The following ZNF497 variants were observed in gnomAD, a reference collection of about 807,000 sequenced individuals.
ZNF497 encodes zinc finger-like protein.
For synonymous variants in ZNF497, 422 were observed against 313.7 expected (o/e 1.35, Z -3.65); for missense variants, 930 against 714.0 (o/e 1.30, Z -3.45).
At chr19:58,362,132 A>C (rs10420099) in intron 1 of ZNF497, among the ~76,000 whole-genome samples, 2,108 of 152,260 alleles carry the variant, frequency 0.014, 49 homozygotes, top group African/African-American at 0.048. Context: ...CACGCCCCCA[A>C]CAACGGGCAC....
Position 58,357,250 on chromosome 19 carries a change from G to A in ZNF497, c.386C>T (p.Thr129Ile). The A allele has an allele frequency of 2.5e-6, 4 of 1,612,982 alleles. No homozygotes were observed. In the South Asian group the frequency reaches 3.3e-5, roughly 13 times the overall value. ...GGGGCACGTGTACGGCTTCTCGCCT[G>A]TGTGCACGCGCCGATGCTGCAGCAA... ...SYLLQHRRVHTGEKPYTCPEC... is the reference protein window; with the variant it reads ...SYLLQHRRVHIGEKPYTCPEC... The change falls in exon 3 of 3, where the codon ACA (threonine) becomes ATA (isoleucine). Residue 129 changes from threonine (T) to isoleucine (I), a missense_variant. Physicochemically the swap from Thr to Ile is moderately conservative, Grantham distance 89. Transcript: ENST00000311044.
Position 58,357,380 on chromosome 19 carries a change from G to T in ZNF497, c.256C>A (p.Pro86Thr). 2 of 1,593,162 alleles carry T rather than the reference G, an allele frequency of 1.3e-6. No individual in the cohort carries two copies. The highest frequency in any genetic ancestry group is 1.7e-6 in the Non-Finnish European group (2 of 1,171,438). Residue 86 changes from proline (P) to threonine (T), a missense_variant, in exon 3 of 3, where the codon CCC (proline) becomes ACC (threonine). Physicochemically the swap from Pro to Thr is conservative, Grantham distance 38. Coordinates refer to ENST00000311044, the MANE Select transcript of ZNF497 (RefSeq NM_198458.3). Reference protein sequence around the residue: ...PADGGRDGAGPRSEPADRALR... With the variant: ...PADGGRDGAGTRSEPADRALR... ...GCCCGGTCTGCAGGCTCGCTCCTGG[G>T]CCCAGCCCCGTCCCGCCCACCGTCT...
rs373703740 is a variant in ZNF497, at chr19:58,357,235, T to C, written c.401A>G (p.Tyr134Cys). The change falls in exon 3 of 3, where the codon TAC (tyrosine) becomes TGC (cysteine). Residue 134 changes from tyrosine to cysteine, a missense_variant. Transcript: ENST00000311044. ...GGCCTTGCCGCACTCGGGGCACGTG[T>C]ACGGCTTCTCGCCTGTGTGCACGCG... Reference protein sequence around the residue: ...HRRVHTGEKPYTCPECGKAFA... With the variant: ...HRRVHTGEKPCTCPECGKAFA... The C allele has an allele frequency of 6.8e-6, 11 of 1,612,890 alleles. No homozygotes were observed. The highest frequency in any genetic ancestry group is 1.3e-5 in the African/African-American group (1 of 74,876).
At position 58,354,724 on chromosome 19, in the gene ZNF497, G is replaced by A. The variant is rs1235411733; in HGVS notation, c.*1415C>T. On this transcript the variant is annotated 3_prime_UTR_variant, in exon 3 of 3. Transcript: ENST00000311044. The stretch of plus-strand genomic sequence containing the variant: ...GCTGTGTGTTCTGGGTGGACTGGGG[G>A]AGAATGCATTCTTTGCAGAAGAGAC... The A allele has an allele frequency of 6.6e-6, 1 of 152,578 alleles. No homozygotes were observed. The highest frequency in any genetic ancestry group is 2.4e-5 in the African/African-American group (1 of 41,464). 9.5% of individuals were successfully genotyped at this position (152,578 alleles called of 1,614,324 possible).
chr19:58,357,846 C>G (rs1429889728), intron 2 of ZNF497, 197 bp from the exon 3 acceptor site: 7 of 1,283,816 alleles, frequency 5.5e-6, no homozygotes, highest in Non-Finnish European at 7.1e-6. Flanking sequence ...GGCCAGCACT[C>G]TGGGCCTGCC....
intron 2 of ZNF497, 176 bp downstream of exon 2, chr19:58,358,313 G>A (rs2052051839): frequency 7.8e-7 from 1 of 1,281,886 alleles, no homozygotes; most frequent in South Asian, 1.2e-5. Flanking sequence ...CCAAGGGTGG[G>A]AGGGCCTCCT....
intron 1 of ZNF497, chr19:58,358,896 C>T: frequency 2.2e-6 from 1 of 455,770 alleles, no homozygotes; most frequent in Non-Finnish European, 4.4e-6. Context: ...GACCAGCCCC[C>T]ACTCATCTGG....
rs779580477 is a variant in ZNF497 at position 58,356,996 on chromosome 19, C to T, written c.640G>A (p.Gly214Ser). ...TLVQHRRTHTGEKPYECPECG... is the reference protein window; with the variant it reads ...TLVQHRRTHTSEKPYECPECG... ...TCCGGGCACTCGTAGGGCTTCTCGC[C>T]CGTGTGCGTGCGTCGGTGCTGCACC... The change falls in exon 3 of 3, where the codon GGC (glycine) becomes AGC (serine). Residue 214 changes from glycine to serine, a missense_variant. Gly to Ser is a moderately conservative substitution (Grantham distance 56, BLOSUM62 0). Coordinates refer to ENST00000311044, the MANE Select transcript of ZNF497 (RefSeq NM_198458.3). 2.5e-6 allele frequency: 4 copies of T among 1,608,930 alleles called. No individual in the cohort carries two copies. In the South Asian group the frequency reaches 4.4e-5, roughly 18 times the overall value.
Position 58,356,674 on chromosome 19 carries a change from T to C in ZNF497, c.962A>G (p.Gln321Arg), listed in dbSNP as rs768404028. The change falls in exon 3 of 3, where the codon CAG (glutamine) becomes CGG (arginine). Residue 321 changes from glutamine to arginine, a missense_variant. Gln to Arg is a conservative substitution (Grantham distance 43). Transcript: ENST00000311044. The stretch of plus-strand genomic sequence containing the variant: ...GGGCCGCTCACCAGTGTGCGTGCGC[T>C]GGTGCTGCAGGAGCTGCGAGCTCTC... Reference protein sequence around the residue: ...FRESSQLLQHQRTHTGERPFE... With the variant: ...FRESSQLLQHRRTHTGERPFE... 2.1e-4 allele frequency: 319 copies of C among 1,547,750 alleles called. No individual in the cohort carries two copies. The highest frequency in any genetic ancestry group is 3.1e-4 in the Admixed American group (16 of 51,982).
Position 58,357,618 on chromosome 19 carries a change from C to A in ZNF497, c.18G>T (p.Gly6=). 1.3e-6 allele frequency: 2 copies of A among 1,540,540 alleles called. No homozygotes were observed. Among genetic ancestry groups the A allele is most frequent in the South Asian group, 2.5e-5 (2 of 79,180 alleles). Residue 6 remains glycine, a synonymous_variant, in exon 3 of 3, where the codon GGG becomes GGT. Transcript: ENST00000311044. ...CCTCTGGGGCCACCTGCAGGGTCCACCCTCTTGGGGACTCCATCTCGCGCC... is the reference window on the plus strand; with the variant it reads ...CCTCTGGGGCCACCTGCAGGGTCCAACCTCTTGGGGACTCCATCTCGCGCC... MESPR[G]WTLQVAPEEG...
Position 58,357,169 on chromosome 19 carries a change from T to G in ZNF497, c.467A>C (p.His156Pro), listed in dbSNP as rs769965472. The change falls in exon 3 of 3, where the codon CAC (histidine) becomes CCC (proline). Residue 156 changes from histidine (H) to proline (P), a missense_variant. Transcript: ENST00000311044. ...SSNLSQHQRI[H>P]SGEKPYACRE... ...GCAAGCGTAGGGCTTCTCGCCGCTG[T>G]GGATGCGCTGGTGCTGGCTGAGGTT... The G allele has an allele frequency of 1.2e-6, 2 of 1,613,098 alleles. No individual in the cohort carries two copies. The highest frequency in any genetic ancestry group is 1.7e-6 in the Non-Finnish European group (2 of 1,179,822).
At chr19:58,358,402 T>G in intron 2 of ZNF497, 87 bp downstream of exon 2, 1 of 1,160,206 alleles carries the variant, frequency 8.6e-7, no homozygotes, top group Non-Finnish European at 1.1e-6. Flanking sequence ...CCCATCCTCA[T>G]TTGCCCTGAG....
chr19:58,359,247 C>T, intron 1 of ZNF497: 1 of 1,290,514 alleles, frequency 7.7e-7, no homozygotes, highest in South Asian at 1.2e-5. Context: ...GCTGATGCCT[C>T]ACTCATCTGG....
chr19:58,357,718 G>A, intron 2 of ZNF497, 69 bp from the exon 3 acceptor site: 1 of 1,407,932 alleles, frequency 7.1e-7, no homozygotes, highest in East Asian at 2.5e-5. Context: ...GCCTGAGGGG[G>A]ACACGACGGT....
chr19:58,359,400 A>G (rs2148008720), intron 1 of ZNF497: 3 of 533,930 alleles, frequency 5.6e-6, no homozygotes, highest in African/African-American at 1.9e-5. Flanking sequence ...GAGACTGAGT[A>G]AAAATGGAAG....
intron 1 of ZNF497, among the ~76,000 whole-genome samples, chr19:58,360,419 G>A (rs530730936): frequency 1.3e-5 from 2 of 151,436 alleles, no homozygotes. Flanking sequence ...TCCAGGCTAG[G>A]GTGCAGTGGT....
chr19:58,360,182 A>G (rs1267956191), intron 1 of ZNF497, among the ~76,000 whole-genome samples: 4 of 152,180 alleles, frequency 2.6e-5, no homozygotes, highest in Non-Finnish European at 5.9e-5. Flanking sequence ...GAGAAATGGG[A>G]GATACAGCCG....
chr19:58,357,020 C>G lies in ZNF497; in HGVS notation c.616G>C (p.Val206Leu), dbSNP rs761003855. 5 of 1,607,444 alleles carry G rather than the reference C, an allele frequency of 3.1e-6. No individual in the cohort carries two copies. Among genetic ancestry groups the G allele is most frequent in the East Asian group, 4.5e-5 (2 of 44,668 alleles). ...GKSFGRSTTL[V>L]QHRRTHTGEK... Reference sequence around the variant, plus strand: ...CCCGTGTGCGTGCGTCGGTGCTGCACCAGCGTGGTGCTTCGGCCGAAGGAC... The same window carrying G: ...CCCGTGTGCGTGCGTCGGTGCTGCAGCAGCGTGGTGCTTCGGCCGAAGGAC... The change falls in exon 3 of 3, where the codon GTG becomes CTG. Residue 206 changes from valine to leucine, a missense_variant. Val to Leu is a conservative substitution (Grantham distance 32). Coordinates refer to ENST00000311044, the MANE Select transcript of ZNF497 (RefSeq NM_198458.3).
At position 58,357,050 on chromosome 19, in the gene ZNF497, C is replaced by T; in HGVS notation, c.586G>A (p.Gly196Ser). Residue 196 changes from glycine to serine, a missense_variant, in exon 3 of 3, where the codon GGC becomes AGC. Physicochemically the swap from Gly to Ser is moderately conservative, Grantham distance 56 (BLOSUM62 0). Coordinates refer to ENST00000311044, the MANE Select transcript of ZNF497 (RefSeq NM_198458.3). Reference sequence around the variant, plus strand: ...GTGGTGCTTCGGCCGAAGGACTTGCCGCAGTCCGGGCAGCGGAAGGGCTTC... The same window carrying T: ...GTGGTGCTTCGGCCGAAGGACTTGCTGCAGTCCGGGCAGCGGAAGGGCTTC... ...GLKPFRCPDC[G>S]KSFGRSTTLV... 2 of 1,610,636 alleles carry T rather than the reference C, an allele frequency of 1.2e-6. No homozygotes were observed. Among genetic ancestry groups the T allele is most frequent in the Non-Finnish European group, 1.7e-6 (2 of 1,178,976 alleles).
Sources: allele counts gnomAD v4.1 joint callset (sites outside exome capture counted in the v4.1 genomes callset), GRCh38; gene constraint gnomAD v4.1.1; transcripts MANE v1.5; gene names NCBI Gene and HGNC (gene_info 2026-07-23, HGNC 2026-07-21).